Variants in NOTCH1 observed in about 807,000 individuals in gnomAD.
The protein encoded by NOTCH1 is neurogenic locus notch homolog protein 1.
A neutral mutation model predicts 254.8 loss-of-function variants in NOTCH1; 37 were observed. The observed-to-expected ratio is 0.15, with a 90% CI of 0.11 to 0.19. The LOEUF is 0.19. Among genes scored for constraint, NOTCH1 ranks in the 10% least tolerant of loss-of-function variants. NOTCH1 has a pLI of 1.00. For synonymous variants in NOTCH1, 1,731 were observed against 1,618.1 expected (o/e 1.07, Z -1.68); for missense variants, 2,972 against 3,708.6 (o/e 0.80, Z 5.16).
intron 30 of NOTCH1, among the ~76,000 whole-genome samples, chr9:136,501,509 G>C (rs1003215937): frequency 1.3e-5 from 2 of 151,916 alleles, no homozygotes; most frequent in East Asian, 3.9e-4. Context: ...TTTCAGAAAA[G>C]AGTAATTTAC....
rs775793303 is a variant in NOTCH1, at chr9:136,502,003, G to A, written c.5470C>T (p.Arg1824Trp). The change falls in exon 29 of 34, where the codon CGG (arginine) becomes TGG (tryptophan). Residue 1824 changes from arginine (R) to tryptophan (W), a missense_variant and splice_region_variant. Around this residue, in one of 8 missense-constraint regions of NOTCH1, gnomAD observed 421 missense variants for 604.4 expected, o/e 0.70. Transcript: ENST00000651671. ...AGCCCGGGAGCCTCGCGACTCACCC[G>A]GAACTTCTTGGTCTCCAGGTCCTCG... ...GDEDLETKKF[R>W]FEEPVVLPDL... 1.4e-5 allele frequency: 22 copies of A among 1,612,776 alleles called. No homozygotes were observed. The highest frequency in any genetic ancestry group is 2.2e-5 in the South Asian group (2 of 91,076).
At chr9:136,539,908 C>T (rs552710945) in intron 2 of NOTCH1, among the ~76,000 whole-genome samples, 100 of 152,318 alleles carry the variant, frequency 6.6e-4, no homozygotes, top group African/African-American at 2.2e-3. Flanking sequence ...CCTCCTTCCT[C>T]TTCTTTTAAG....
intron 6 of NOTCH1, 27 bp downstream of exon 6, chr9:136,518,564 C>T (rs373190844): frequency 8.2e-6 from 13 of 1,587,266 alleles, no homozygotes; most frequent in Admixed American, 6.9e-5. Flanking sequence ...GAGCCCCCTG[C>T]GCCCACCTGG....
chr9:136,500,444 A>G, intron 31 of NOTCH1, 108 bp downstream of exon 31: 1 of 1,387,844 alleles, frequency 7.2e-7, no homozygotes, highest in Admixed American at 1.7e-5. Flanking sequence ...TCCCGGACTC[A>G]GCTGTGCTCG....
chr9:136,502,052 G>T lies in NOTCH1; in HGVS notation c.5421C>A (p.Asp1807Glu). ...CGTCCCCCCACTCATTCTGGTTGTC[G>T]TCCATGAGGGCACCGTCTGAAGCGT... The part of the protein sequence containing the change: ...LKNASDGALM[D>E]DNQNEWGDED... Residue 1807 changes from aspartate (D) to glutamate (E), a missense_variant, in exon 29 of 34, where the codon GAC becomes GAA. Coordinates refer to ENST00000651671, the MANE Select transcript of NOTCH1 (RefSeq NM_017617.5). 6.2e-7 allele frequency: 1 copy of T among 1,613,300 alleles called. No individual in the cohort carries two copies. Among genetic ancestry groups the T allele is most frequent in the East Asian group, 2.2e-5 (1 of 44,860 alleles).
At position 136,501,986 on chromosome 9, in the gene NOTCH1, A is replaced by T. The variant is rs2133329650; in HGVS notation, c.5472+15T>A. The T allele has an allele frequency of 6.2e-7, 1 of 1,612,358 alleles. No homozygotes were observed. Among genetic ancestry groups the T allele is most frequent in the Non-Finnish European group, 8.5e-7 (1 of 1,179,872 alleles). On this transcript the variant is annotated intron_variant, in intron 29 of 33. Coordinates refer to ENST00000651671, the MANE Select transcript of NOTCH1 (RefSeq NM_017617.5). ...GTGCCCGGGAGCCCAGGAGCCCGGGAGCCTCGCGACTCACCCGGAACTTCT... is the reference window on the plus strand; with the variant it reads ...GTGCCCGGGAGCCCAGGAGCCCGGGTGCCTCGCGACTCACCCGGAACTTCT...
intron 4 of NOTCH1, among the ~76,000 whole-genome samples, chr9:136,521,735 G>A (rs1322118426): frequency 6.6e-6 from 1 of 152,210 alleles, no homozygotes; most frequent in Admixed American, 6.5e-5. Context: ...AAACGCACAC[G>A]TCTGGTGTCT....
At chr9:136,498,832 G>T in intron 33 of NOTCH1, 67 bp downstream of exon 33, 1 of 1,574,320 alleles carries the variant, frequency 6.4e-7, no homozygotes, top group Middle Eastern at 1.7e-4. Context: ...CGCCCCGTGG[G>T]TTTGGCCCTC....
Position 136,496,008 on chromosome 9 carries a change from C to G in NOTCH1, c.*63G>C. On this transcript the variant is annotated 3_prime_UTR_variant, in exon 34 of 34. Coordinates refer to ENST00000651671, the MANE Select transcript of NOTCH1 (RefSeq NM_017617.5). ...CTCCTCTGGTCGGCCCTGGCATCCA[C>G]AGAGCGCACACAGACGCCCGAAGGC... The G allele has an allele frequency of 1.3e-6, 2 of 1,540,288 alleles. No homozygotes were observed. The highest frequency in any genetic ancestry group is 1.8e-6 in the Non-Finnish European group (2 of 1,142,354).
In NOTCH1 at chr9:136,509,756, G is replaced by A. The variant is rs2133350366; in HGVS notation, c.2946C>T (p.Asn982=). The A allele has an allele frequency of 6.2e-7, 1 of 1,612,990 alleles. No individual in the cohort carries two copies. Among genetic ancestry groups the A allele is most frequent in the South Asian group, 1.1e-5 (1 of 91,090 alleles). The change falls in exon 18 of 34, where the codon AAC becomes AAT. Residue 982 remains asparagine, a synonymous_variant. Transcript: ENST00000651671. ...ACCTCTCTGTGCAGTCAGGCGTGTT[G>A]TTCTCACAGTGGATCCCGCTGAAGC... The part of the protein sequence containing the change: ...PAGFSGIHCE[N]NTPDCTESSC...
rs2133338729 is a variant in NOTCH1 at position 136,505,369 on chromosome 9, G to A, written c.4527C>T (p.Cys1509=). The A allele has an allele frequency of 6.2e-7, 1 of 1,609,784 alleles. No homozygotes were observed. Among genetic ancestry groups the A allele is most frequent in the Non-Finnish European group, 8.5e-7 (1 of 1,178,914 alleles). The part of the protein sequence containing the change: ...YFSDGHCDSQ[C]NSAGCLFDGF... The stretch of plus-strand genomic sequence containing the variant: ...CGTCGAAGAGGCAGCCGGCTGAGTT[G>A]CACTGGCTGTCACAGTGGCCGTCAC... Residue 1509 remains cysteine (C), a synonymous_variant, in exon 25 of 34, where the codon TGC becomes TGT. Transcript: ENST00000651671.
chr9:136,511,418 C>A (rs544320758), intron 15 of NOTCH1, 147 bp from the exon 16 acceptor site: 20 of 1,024,788 alleles, frequency 2.0e-5, no homozygotes, highest in African/African-American at 3.2e-5. Context: ...CTGAGCGCTC[C>A]CGGCTGTGCC....
At position 136,502,740 on chromosome 9, in the gene NOTCH1, G is replaced by A. The variant is rs532692877; in HGVS notation, c.5168-252C>T. On this transcript the variant is annotated intron_variant, in intron 27 of 33. Coordinates refer to ENST00000651671, the MANE Select transcript of NOTCH1 (RefSeq NM_017617.5). ...ACTTTTTTCTCCTTTAAGGAAGGAG[G>A]ATTAGTCAACTTCAAATCGCTGCAC... 7.7e-5 allele frequency: 44 copies of A among 574,176 alleles called. 1 individual carries two copies. In the South Asian group the frequency reaches 8.4e-4, roughly 11 times the overall value. 35.6% of individuals were successfully genotyped at this position (574,176 alleles called of 1,614,324 possible).
chr9:136,505,210 CCT>C (rs1456371122), intron 25 of NOTCH1, 98 bp downstream of exon 25: 43 of 1,521,138 alleles, frequency 2.8e-5, no homozygotes, highest in Non-Finnish European at 3.2e-5. Context: ...CCCTGCACCC[CCT>C]GAGCAGAGCC....
rs76339472 is a variant in NOTCH1, at chr9:136,520,215, C to A, written c.743-650G>T. 6.3e-3 allele frequency among the ~76,000 whole-genome samples: 957 copies of A among 152,316 alleles called. 4 individuals are homozygous for A. Among genetic ancestry groups the A allele is most frequent in the Non-Finnish European group, 0.01 (707 of 68,020 alleles). On this transcript the variant is annotated intron_variant, in intron 4 of 33. Transcript: ENST00000651671. ...GTTCAATGATCAACCCAGAAAGGCG[C>A]GTTCGGCAACAGCCAAACCTGCAGC... is the stretch of plus-strand genomic sequence containing the variant.
At position 136,513,138 on chromosome 9, in the gene NOTCH1, G is replaced by GA; in HGVS notation, c.2354-5dup. 1 of 1,609,650 alleles carries GA rather than the reference G, an allele frequency of 6.2e-7. No individual in the cohort carries two copies. The highest frequency in any genetic ancestry group is 8.5e-7 in the Non-Finnish European group (1 of 1,177,050). On this transcript the variant is annotated splice_polypyrimidine_tract_variant and splice_region_variant and intron_variant, in intron 14 of 33. Coordinates refer to ENST00000651671, the MANE Select transcript of NOTCH1 (RefSeq NM_017617.5). The surrounding 1 kb of genome is among the most constrained non-coding windows in gnomAD (Gnocchi z 4.7). The stretch of plus-strand genomic sequence containing the variant: ...ATGTTGGTCTGGCAGTTGGGACCTG[G>GA]AGGGAAGGGGACAGCACTCGGCATG...
Position 136,507,538 on chromosome 9 carries a change from C to A in NOTCH1, c.3511-101G>T. On this transcript the variant is annotated intron_variant, in intron 21 of 33. Transcript: ENST00000651671. ...GGGCTGACAGGGCCACATGAGCTGC[C>A]CTCAGGTCCAGCGAAGCCACGGGCC... is the stretch of plus-strand genomic sequence containing the variant. 2.7e-6 allele frequency: 4 copies of A among 1,501,342 alleles called. No individual in the cohort carries two copies. The South Asian group carries it at 4.8e-5, about 18-fold the overall frequency. 93.0% of individuals were successfully genotyped at this position (1,501,342 alleles called of 1,614,324 possible). A position where few individuals can be genotyped will look rare whatever the true frequency, so the allele number is the denominator to read the frequency against.
At position 136,520,973 on chromosome 9, in the gene NOTCH1, A is replaced by G. The variant is rs955259937; in HGVS notation, c.743-1408T>C. Among the ~76,000 whole-genome samples the G allele has an allele frequency of 7.6e-4, 115 of 152,272 alleles. 1 individual carries two copies. The highest frequency in any genetic ancestry group is 2.6e-3 in the African/African-American group (106 of 41,556). On this transcript the variant is annotated intron_variant, in intron 4 of 33. Transcript: ENST00000651671. Reference sequence around the variant, plus strand: ...TCGGCCAGCGACCCCACGAGGAGACAGTGCTGACGTGCCAGGCAGGCTGTG... The same window carrying G: ...TCGGCCAGCGACCCCACGAGGAGACGGTGCTGACGTGCCAGGCAGGCTGTG...
In NOTCH1 at chr9:136,504,789, G is replaced by C. The variant is rs1450251041; in HGVS notation, c.4902C>G (p.Ala1634=). 6.4e-7 allele frequency: 1 copy of C among 1,555,342 alleles called. No homozygotes were observed. The highest frequency in any genetic ancestry group is 8.7e-7 in the Non-Finnish European group (1 of 1,150,030). Residue 1634 remains alanine, a synonymous_variant, in exon 26 of 34, where the codon GCC becomes GCG. Coordinates refer to ENST00000651671, the MANE Select transcript of NOTCH1 (RefSeq NM_017617.5). ...CGTCAGGTGCGGCCCAGCCCTCGGC[G>C]GCACGCTTGATGGGGTGCTTGCGCA... The part of the protein sequence containing the change: ...EELRKHPIKR[A]AEGWAAPDAL...
Sources: gnomAD v4.1 joint callset for allele counts (sites outside exome capture counted in the v4.1 genomes callset) on GRCh38, gnomAD v4.1.1 for gene constraint, gnomAD v4.1.1 regional missense constraint, Gnocchi (gnomAD v3.1) non-coding constraint, MANE v1.5 for transcripts, NCBI Gene and HGNC (gene_info 2026-07-23, HGNC 2026-07-21) for gene names.